Variants in DNAJA4 observed in about 807,000 individuals in gnomAD.
The protein encoded by DNAJA4 is dnaJ homolog subfamily A member 4.
Under a neutral mutation model 39.7 loss-of-function variants are expected in DNAJA4, and 32 were observed. The ratio of observed to expected loss-of-function variants is 0.81; its 90% CI spans 0.61 to 1.08. DNAJA4 has a LOEUF of 1.08. Ranked by LOEUF, DNAJA4 falls within the 50% of genes least tolerant of loss-of-function variation. DNAJA4 has a pLI of 0.00. For synonymous variants in DNAJA4, 184 were observed against 182.4 expected (o/e 1.01, Z -0.07); for missense variants, 439 against 505.1 (o/e 0.87, Z 1.25).
chr15:78,276,112 T>G (rs1426020671), intron 5 of DNAJA4, among the ~76,000 whole-genome samples: 1 of 152,230 alleles, frequency 6.6e-6, no homozygotes, highest in Admixed American at 6.5e-5. Context: ...ATCTTGGGGC[T>G]CTGAATTTTA....
intron 1 of DNAJA4, among the ~76,000 whole-genome samples, chr15:78,267,166 G>GTC (rs2049152644): frequency 2.6e-5 from 3 of 115,410 alleles, no homozygotes; most frequent in African/African-American, 1.0e-4. Flanking sequence ...GTGTATGTGA[G>GTC]TGTGTGAGTG....
chr15:78,280,646 TATTTAA>T lies in DNAJA4; in HGVS notation c.*189_*194del. On this transcript the variant is annotated 3_prime_UTR_variant, in exon 7 of 7. Coordinates refer to ENST00000394852, the MANE Select transcript of DNAJA4 (RefSeq NM_001130182.2). ...GTAACTTAAGTTATAGCTTAATTTA[TATTTAA>T]ATGTTTTAAGTATAAATCACCTCTA... 1.8e-6 allele frequency: 1 copy of T among 564,306 alleles called. No individual in the cohort carries two copies. Among genetic ancestry groups the T allele is most frequent in the East Asian group, 2.9e-5 (1 of 34,656 alleles). 35.0% of individuals were successfully genotyped at this position (564,306 alleles called of 1,614,324 possible). A position where few individuals can be genotyped will look rare whatever the true frequency, so the allele number is the denominator to read the frequency against.
intron 5 of DNAJA4, chr15:78,277,781 TGAG>T: frequency 3.0e-6 from 1 of 332,614 alleles, no homozygotes; most frequent in South Asian, 2.5e-5. Context: ...CCAAATGGAG[TGAG>T]GGTGGTGGAG....
rs77454835 is a variant in DNAJA4 at position 78,276,385 on chromosome 15, C to T, written c.877+657C>T. 4.7e-4 allele frequency among the ~76,000 whole-genome samples: 71 copies of T among 152,346 alleles called. 1 individual carries two copies. In the East Asian group the frequency reaches 0.013, roughly 28 times the overall value. ...CCATGGGAGCCAGAGGGAGATGCCT[C>T]TAGGCCGAAAGGGTTCCTGAGGCCT... On this transcript the variant is annotated intron_variant, in intron 5 of 6. Transcript: ENST00000394852.
At chr15:78,273,254 C>A in intron 3 of DNAJA4, 55 bp downstream of exon 3, 1 of 1,029,630 alleles carries the variant, frequency 9.7e-7, no homozygotes, top group South Asian at 1.3e-5. Flanking sequence ...GATTCAGAAA[C>A]AATGCTTGTT....
Position 78,280,730 on chromosome 15 carries a change from T to A in DNAJA4, c.*270T>A. 1 of 361,896 alleles carries A rather than the reference T, an allele frequency of 2.8e-6. No homozygotes were observed. The highest frequency in any genetic ancestry group is 2.1e-5 in the African/African-American group (1 of 48,120). 22.4% of individuals were successfully genotyped at this position (361,896 alleles called of 1,614,324 possible). A position where few individuals can be genotyped will look rare whatever the true frequency, so the allele number is the denominator to read the frequency against. On this transcript the variant is annotated 3_prime_UTR_variant, in exon 7 of 7. Transcript: ENST00000394852. ...ATTTTCAGGATATACTTTTGAGATGTCAGTGATTGCACCAATACTTTGTGC... is the reference window on the plus strand; with the variant it reads ...ATTTTCAGGATATACTTTTGAGATGACAGTGATTGCACCAATACTTTGTGC...
rs2049648454 is a variant in DNAJA4, at chr15:78,281,342, C to T, written c.*882C>T. The T allele has an allele frequency of 6.6e-6, 1 of 152,666 alleles. No homozygotes were observed. Among genetic ancestry groups the T allele is most frequent in the African/African-American group, 2.4e-5 (1 of 41,456 alleles). The allele number at this position is 152,666 out of a possible 1,614,324, so 9.5% of individuals were successfully genotyped here. On this transcript the variant is annotated 3_prime_UTR_variant, in exon 7 of 7. Coordinates refer to ENST00000394852, the MANE Select transcript of DNAJA4 (RefSeq NM_001130182.2). The stretch of plus-strand genomic sequence containing the variant: ...CTGCTGGTTTGGCCCATGGCACAGC[C>T]AGCTTCTCTGACCAGTAATCCGGGG...
chr15:78,274,119 C>A, intron 3 of DNAJA4, 78 bp from the exon 4 acceptor site: 1 of 1,419,398 alleles, frequency 7.0e-7, no homozygotes, highest in Non-Finnish European at 9.6e-7. Context: ...GGTTCCCTAC[C>A]CTTCTGCCAT....
chr15:78,275,782 T>A (rs1445171865), intron 5 of DNAJA4, 54 bp downstream of exon 5: 1 of 1,324,398 alleles, frequency 7.6e-7, no homozygotes, highest in Non-Finnish European at 1.0e-6. Flanking sequence ...GCATAATAAT[T>A]CTGGCAAGTT....
At chr15:78,268,810 G>A (rs116722919) in intron 1 of DNAJA4, among the ~76,000 whole-genome samples, 1 of 152,346 alleles carries the variant, frequency 6.6e-6, no homozygotes, top group African/African-American at 2.4e-5. Context: ...TCTTCATGGA[G>A]CTTATGTTGC....
Position 78,279,944 on chromosome 15 carries a change from C to A in DNAJA4, c.878-101C>A. The stretch of plus-strand genomic sequence containing the variant: ...GATGCCACGTTTCCTTTGCCCACTG[C>A]CACGGGGCACTAGGGCCTGCCGCAG... On this transcript the variant is annotated intron_variant, in intron 5 of 6. Transcript: ENST00000394852. The surrounding 1 kb of genome is among the most constrained non-coding windows in gnomAD (Gnocchi z 4.5). 9.0e-7 allele frequency: 1 copy of A among 1,109,670 alleles called. No homozygotes were observed. The highest frequency in any genetic ancestry group is 1.3e-6 in the Non-Finnish European group (1 of 758,682). The allele number at this position is 1,109,670 out of a possible 1,614,324, so 68.7% of individuals were successfully genotyped here.
chr15:78,277,352 C>T (rs964014600), intron 5 of DNAJA4, among the ~76,000 whole-genome samples: 6 of 152,158 alleles, frequency 3.9e-5, no homozygotes, highest in African/African-American at 1.2e-4. Flanking sequence ...GACGGGGTTT[C>T]GCCATGTTGC....
At chr15:78,266,128 G>C in intron 1 of DNAJA4, 1 of 1,101,678 alleles carries the variant, frequency 9.1e-7, no homozygotes. Flanking sequence ...GTTTTACATG[G>C]TGCTGGTGAT....
chr15:78,264,987 G>C (rs988329759), intron 1 of DNAJA4, 92 bp downstream of exon 1: 4 of 1,370,182 alleles, frequency 2.9e-6, no homozygotes, highest in Non-Finnish European at 2.9e-6. Context: ...CCTGAGCCGC[G>C]TTTGTTGGGG....
chr15:78,265,418 C>T (rs2049093709), intron 1 of DNAJA4: 2 of 697,424 alleles, frequency 2.9e-6, no homozygotes, highest in Non-Finnish European at 5.2e-6. Context: ...TTGTTCTGTG[C>T]ACCTACTGCC....
At chr15:78,270,055 C>T (rs2141437670) in intron 1 of DNAJA4, 1 of 154,076 alleles carries the variant, frequency 6.5e-6, no homozygotes, top group South Asian at 2.0e-4. Context: ...TAGATGCTCA[C>T]AGATGCCTGT....
At chr15:78,266,624 A>G (rs1255754501) in intron 1 of DNAJA4, among the ~76,000 whole-genome samples, 1 of 152,228 alleles carries the variant, frequency 6.6e-6, no homozygotes, top group African/African-American at 2.4e-5. Flanking sequence ...CTCAGCTAAA[A>G]CATCTTCCAG....
intron 3 of DNAJA4, among the ~76,000 whole-genome samples, chr15:78,273,786 GTGACC>G (rs2049367758): frequency 6.6e-6 from 1 of 152,148 alleles, no homozygotes; most frequent in Admixed American, 6.5e-5. Context: ...GCCATGTCTG[GTGACC>G]CCAGCCTCAC....
chr15:78,280,186 A>G (rs768282373), intron 6 of DNAJA4, 41 bp downstream of exon 6: 1 of 1,611,268 alleles, frequency 6.2e-7, no homozygotes, highest in Non-Finnish European at 8.5e-7. Flanking sequence ...ATATTATTAA[A>G]TGCCTTAATT....
Sources: gnomAD v4.1 joint callset for allele counts (sites outside exome capture counted in the v4.1 genomes callset) on GRCh38, gnomAD v4.1.1 for gene constraint, Gnocchi (gnomAD v3.1) non-coding constraint, MANE v1.5 for transcripts, NCBI Gene and HGNC (gene_info 2026-07-23, HGNC 2026-07-21) for gene names.